The following PACRG variants were observed in gnomAD, a reference collection of about 807,000 sequenced individuals.
PACRG encodes the protein parkin coregulated, also known as parkin coregulated gene protein.
A neutral mutation model predicts 29.7 loss-of-function variants in PACRG; 29 were observed. The ratio of observed to expected loss-of-function variants is 0.98; its 90% CI spans 0.73 to 1.33. The LOEUF is 1.33. Among genes scored for constraint, PACRG ranks in the 40% most tolerant of loss-of-function variants. The pLI is 0.00. For synonymous variants in PACRG, 116 were observed against 118.7 expected, an observed-to-expected ratio of 0.98 and a Z score of 0.15; for missense variants, 279 against 316.2, an observed-to-expected ratio of 0.88 and a Z score of 0.89.
In PACRG at chr6:163,314,892, G is replaced by T; in HGVS notation, c.679G>T (p.Glu227Ter). The T allele has an allele frequency of 6.2e-7, 1 of 1,614,188 alleles. No homozygotes were observed. The highest frequency in any genetic ancestry group is 8.5e-7 in the Non-Finnish European group (1 of 1,180,038). Reference protein sequence around the residue: ...KRENIGDLIQETLEAFERYGG... With the variant: ...KRENIGDLIQ The stretch of plus-strand genomic sequence containing the variant: ...GGAGAACATTGGGGACTTGATCCAG[G>T]AGACACTGGAGGCCTTCGAGCGCTA... Residue 227 changes from glutamate to a stop codon, truncating the protein, a stop_gained, in exon 5 of 5, where the codon GAG becomes TAG. Coordinates refer to ENST00000366888, the MANE Select transcript of PACRG (RefSeq NM_001080379.2). LOFTEE classifies it high-confidence loss of function.
intron 2 of PACRG, among the ~76,000 whole-genome samples, chr6:162,945,807 A>G (rs9347710): frequency 0.39 from 59,302 of 151,974 alleles, 13,432 homozygotes; most frequent in East Asian, 0.53. Context: ...ATTTTCTTAG[A>G]CCACAATGAA....
At chr6:162,780,679 C>G (rs962307625) in intron 1 of PACRG, among the ~76,000 whole-genome samples, 4 of 152,040 alleles carry the variant, frequency 2.6e-5, no homozygotes, top group African/African-American at 4.8e-5. Context: ...GAAGATACAT[C>G]TTACATTTTA....
chr6:162,887,176 C>T (rs1400700683), intron 2 of PACRG, among the ~76,000 whole-genome samples: 1 of 152,202 alleles, frequency 6.6e-6, no homozygotes, highest in East Asian at 1.9e-4. Context: ...TGGTCTTGAA[C>T]TCCCTACCTC....
chr6:163,080,237 C>T (rs1339799541), intron 3 of PACRG, among the ~76,000 whole-genome samples: 2 of 152,118 alleles, frequency 1.3e-5, no homozygotes, highest in East Asian at 1.9e-4. Flanking sequence ...ATGCAGCATT[C>T]TCTTGGTTTT....
intron 2 of PACRG, chr6:163,044,646 TA>T (rs1451967260): frequency 6.6e-6 from 1 of 152,194 alleles, no homozygotes; most frequent in African/African-American, 2.4e-5. Context: ...CATCGTCACT[TA>T]CAAAGACCAC....
intron 3 of PACRG, among the ~76,000 whole-genome samples, chr6:163,066,241 G>A (rs1310038157): frequency 6.6e-6 from 1 of 152,196 alleles, no homozygotes; most frequent in Non-Finnish European, 1.5e-5. Flanking sequence ...TTTTTTGCAA[G>A]AGTAAATTCC....
At chr6:163,051,813 C>G (rs544074068) in intron 2 of PACRG, 2 of 152,296 alleles carry the variant, frequency 1.3e-5, no homozygotes, top group East Asian at 1.9e-4. Flanking sequence ...TTATCTCTAG[C>G]ATCTGAGGAT....
intron 1 of PACRG, among the ~76,000 whole-genome samples, chr6:162,797,554 T>G (rs1785487471): frequency 1.3e-5 from 2 of 152,238 alleles, no homozygotes; most frequent in African/African-American, 4.8e-5. Flanking sequence ...AATGTTTGCT[T>G]TAATTTTTCC....
intron 4 of PACRG, among the ~76,000 whole-genome samples, chr6:163,293,308 G>A (rs1460274045): frequency 6.6e-6 from 1 of 152,236 alleles, no homozygotes; most frequent in Non-Finnish European, 1.5e-5. Context: ...GCCAGAGTAA[G>A]CCAGTGTGTG....
At chr6:162,882,610 C>T (rs1396453719) in intron 2 of PACRG, among the ~76,000 whole-genome samples, 1 of 152,180 alleles carries the variant, frequency 6.6e-6, no homozygotes, top group East Asian at 1.9e-4. Flanking sequence ...AGCTCACCTC[C>T]TGGGTATGGA....
chr6:163,254,425 C>T (rs1477986691), intron 4 of PACRG, among the ~76,000 whole-genome samples: 2 of 152,120 alleles, frequency 1.3e-5, no homozygotes, highest in African/African-American at 4.8e-5. Context: ...AAATTCCACC[C>T]GAAAACAATC....
chr6:163,173,521 G>T (rs1779194843), intron 4 of PACRG, among the ~76,000 whole-genome samples: 1 of 152,178 alleles, frequency 6.6e-6, no homozygotes, highest in Non-Finnish European at 1.5e-5. Context: ...AGAGGCATAG[G>T]TGGTTTCTCC....
intron 2 of PACRG, among the ~76,000 whole-genome samples, chr6:162,820,145 C>T (rs1289454240): frequency 6.6e-6 from 1 of 152,166 alleles, no homozygotes; most frequent in African/African-American, 2.4e-5. Context: ...ATATATGTTG[C>T]ACTTGAACAC....
intron 1 of PACRG, among the ~76,000 whole-genome samples, chr6:162,729,192 T>A (rs1779546572): frequency 6.6e-6 from 1 of 152,204 alleles, no homozygotes; most frequent in Non-Finnish European, 1.5e-5. Context: ...CTTGGTATGC[T>A]AAGACAGATT....
chr6:163,225,046 A>T (rs1376860885), intron 4 of PACRG, among the ~76,000 whole-genome samples: 2 of 152,242 alleles, frequency 1.3e-5, no homozygotes, highest in Non-Finnish European at 2.9e-5. Flanking sequence ...ATCTGAATAG[A>T]CATTTCTCAA....
chr6:162,812,578 T>C (rs561695306), intron 1 of PACRG, among the ~76,000 whole-genome samples: 21 of 151,468 alleles, frequency 1.4e-4, no homozygotes, highest in Non-Finnish European at 3.1e-4. Flanking sequence ...AAAAAATAAC[T>C]TTTTGGCAAC....
At chr6:162,741,679 C>G (rs749807535) in intron 1 of PACRG, among the ~76,000 whole-genome samples, 2 of 152,130 alleles carry the variant, frequency 1.3e-5, no homozygotes, top group Non-Finnish European at 2.9e-5. Context: ...CACAAACAGT[C>G]AGTATCAGGT....
At chr6:162,782,631 C>G (rs959320599) in intron 1 of PACRG, among the ~76,000 whole-genome samples, 2 of 151,728 alleles carry the variant, frequency 1.3e-5, no homozygotes, top group Non-Finnish European at 3.0e-5. Context: ...TTAACTGTCA[C>G]TCTTTACATA....
intron 4 of PACRG, among the ~76,000 whole-genome samples, chr6:163,274,078 C>T (rs999764085): frequency 2.0e-5 from 3 of 151,956 alleles, no homozygotes; most frequent in South Asian, 4.2e-4. Context: ...ATGTGCACAA[C>T]GTGCAGGTTT....
Sources: gnomAD v4.1 joint callset for allele counts (sites outside exome capture counted in the v4.1 genomes callset) on GRCh38, gnomAD v4.1.1 for gene constraint, MANE v1.5 for transcripts, NCBI Gene and HGNC (gene_info 2026-07-23, HGNC 2026-07-21) for gene names.